Variants in ADGRL2 observed in about 807,000 individuals in gnomAD.
The protein encoded by ADGRL2 is calcium-independent alpha-latrotoxin receptor 2.
ADGRL2 carries 44 observed loss-of-function variants against 157.4 expected under a neutral mutation model. The ratio of observed to expected loss-of-function variants is 0.28; its 90% CI spans 0.22 to 0.36. The LOEUF (loss-of-function observed/expected upper bound fraction) is 0.36, where lower values mean the gene tolerates loss of function less well. Among genes scored for constraint, ADGRL2 ranks in the 10% least tolerant of loss-of-function variants. The pLI, the probability that ADGRL2 is intolerant of heterozygous loss-of-function variation, is 1.00. For synonymous variants in ADGRL2, 585 were observed against 624.7 expected, an observed-to-expected ratio of 0.94 and a Z score of 0.95; for missense variants, 1,510 against 1,768.9, an observed-to-expected ratio of 0.85 and a Z score of 2.63.
chr1:81,907,853 T>C (rs977252650), intron 3 of ADGRL2, among the ~76,000 whole-genome samples: 2 of 152,190 alleles, frequency 1.3e-5, no homozygotes, highest in African/African-American at 4.8e-5. Context: ...TTTATGAGTT[T>C]TGACAAATGT....
chr1:81,815,006 C>G (rs569360072), intron 1 of ADGRL2, among the ~76,000 whole-genome samples: 2 of 151,668 alleles, frequency 1.3e-5, no homozygotes, highest in East Asian at 3.9e-4. Context: ...AACACTCATG[C>G]TTTCTACTCA....
intron 1 of ADGRL2, chr1:81,427,494 A>G: frequency 2.7e-6 from 2 of 753,762 alleles, no homozygotes; most frequent in Non-Finnish European, 4.9e-6. Flanking sequence ...ATAGTGGACA[A>G]CAGCAATCAA....
chr1:81,987,836 GT>G (rs540574861), intron 22 of ADGRL2, 32 bp from the exon 23 acceptor site: 27 of 301,714 alleles, frequency 8.9e-5, no homozygotes, highest in East Asian at 2.5e-4. Context: ...TCATTCTCTT[GT>G]TTTTTTTCAC....
rs182270944 is a variant in ADGRL2 at position 81,496,252 on chromosome 1, T to A, written c.-248+51163T>A. ...TAAAACAAGCATCTTGAACATTTTA[T>A]CAAAAAGAACTTTTTCTTACACTGG... On this transcript the variant is annotated intron_variant, in intron 2 of 24. Coordinates refer to the ADGRL2 transcript ENST00000370721. Among the ~76,000 whole-genome samples, 252 of 152,286 alleles carry A rather than the reference T, an allele frequency of 1.7e-3. 2 individuals carry two copies. The highest frequency in any genetic ancestry group is 3.5e-4 in the Non-Finnish European group (24 of 68,010).
intron 2 of ADGRL2, among the ~76,000 whole-genome samples, chr1:81,485,860 G>A (rs1260180182): frequency 1.3e-5 from 2 of 151,886 alleles, no homozygotes; most frequent in Admixed American, 6.6e-5. Context: ...GAAGGACTGA[G>A]GATCAAAGAC....
In ADGRL2 at chr1:81,588,824, G is replaced by C. The variant is rs2081076649; in HGVS notation, c.-143+7844G>C. ...TCAGGTCATTTATCCTGCCAATACA[G>C]TAACTTTTTGTGCCCGCTAGTCTAT... On this transcript the variant is annotated intron_variant, in intron 3 of 24. Coordinates refer to the ADGRL2 transcript ENST00000370721. Among the ~76,000 whole-genome samples the C allele has an allele frequency of 2.0e-5, 3 of 152,164 alleles. No individual in the cohort carries two copies. In the South Asian group the frequency reaches 6.2e-4, roughly 31 times the overall value.
intron 2 of ADGRL2, 74 bp downstream of exon 2, chr1:81,837,131 G>T (rs531248124): frequency 2.9e-4 from 205 of 697,148 alleles, no homozygotes; most frequent in Admixed American, 4.7e-4. Flanking sequence ...ATATGGAAGT[G>T]CCTAGAATAT....
intron 3 of ADGRL2, among the ~76,000 whole-genome samples, chr1:81,665,056 T>C (rs1323805170): frequency 6.6e-6 from 1 of 152,046 alleles, no homozygotes; most frequent in Non-Finnish European, 1.5e-5. Flanking sequence ...AAATACTAGG[T>C]GGGTCAGACA....
At chr1:81,373,398 T>G (rs1204287333) in intron 1 of ADGRL2, among the ~76,000 whole-genome samples, 1 of 152,116 alleles carries the variant, frequency 6.6e-6, no homozygotes, top group Non-Finnish European at 1.5e-5. Context: ...CCCAATGAGT[T>G]CCACATATAT....
chr1:81,384,153 T>C (rs1253169059), intron 1 of ADGRL2, among the ~76,000 whole-genome samples: 4 of 152,128 alleles, frequency 2.6e-5, no homozygotes, highest in Non-Finnish European at 5.9e-5. Flanking sequence ...TAGAAAACAA[T>C]TGGAAACCAT....
chr1:81,527,440 G>C (rs937698773), intron 2 of ADGRL2, among the ~76,000 whole-genome samples: 9 of 152,162 alleles, frequency 5.9e-5, no homozygotes, highest in Admixed American at 1.3e-4. Flanking sequence ...AGTCGAGCAC[G>C]GTGGCTCAGG....
At chr1:81,908,277 A>G (rs775709630) in intron 3 of ADGRL2, among the ~76,000 whole-genome samples, 1 of 152,204 alleles carries the variant, frequency 6.6e-6, no homozygotes, top group Non-Finnish European at 1.5e-5. Context: ...ATGATGCATA[A>G]CTAGTTTCAC....
chr1:81,428,780 A>G (rs75207188), intron 1 of ADGRL2, among the ~76,000 whole-genome samples: 4,601 of 152,158 alleles, frequency 0.03, 231 homozygotes, highest in African/African-American at 0.11. Context: ...AGACAACTAC[A>G]TTTCTTCTGG....
intron 2 of ADGRL2, among the ~76,000 whole-genome samples, chr1:81,556,518 A>T (rs986304507): frequency 5.3e-5 from 8 of 151,860 alleles, no homozygotes; most frequent in Non-Finnish European, 1.2e-4. Flanking sequence ...AAACACACAT[A>T]AAAAGATGAA....
intron 2 of ADGRL2, among the ~76,000 whole-genome samples, chr1:81,544,276 G>A (rs1484729667): frequency 6.6e-6 from 1 of 152,088 alleles, no homozygotes; most frequent in Non-Finnish European, 1.5e-5. Flanking sequence ...ACAGTGTCTA[G>A]CATGTATTGG....
At chr1:81,307,462 A>T (rs1486808596) in intron 1 of ADGRL2, among the ~76,000 whole-genome samples, 2 of 152,202 alleles carry the variant, frequency 1.3e-5, no homozygotes, top group Non-Finnish European at 2.9e-5. Context: ...TGACTAGTAC[A>T]AATATAATTA....
chr1:81,697,835 C>T (rs2083476656), upstream of ADGRL2, among the ~76,000 whole-genome samples: 1 of 152,204 alleles, frequency 6.6e-6, no homozygotes, highest in South Asian at 2.1e-4. Context: ...GATGCCAGCC[C>T]CTCCTCAGAG....
intron 3 of ADGRL2, among the ~76,000 whole-genome samples, chr1:81,693,663 C>CATT (rs2083386984): frequency 6.6e-6 from 1 of 152,116 alleles, no homozygotes; most frequent in African/African-American, 2.4e-5. Context: ...ATTTTAAACT[C>CATT]ATTTATTTGT....
At chr1:81,332,015 A>G (rs548000113) in intron 1 of ADGRL2, among the ~76,000 whole-genome samples, 1 of 152,262 alleles carries the variant, frequency 6.6e-6, no homozygotes, top group African/African-American at 2.4e-5. Context: ...CTTACACACA[A>G]CAACACAAAC....
Sources: allele counts gnomAD v4.1 joint callset (sites outside exome capture counted in the v4.1 genomes callset), GRCh38; gene constraint gnomAD v4.1.1; transcripts MANE v1.5; gene names NCBI Gene and HGNC (gene_info 2026-07-23, HGNC 2026-07-21).